Variants in MYT1L observed in about 807,000 individuals in gnomAD.
MYT1L encodes myelin transcription factor 1 like.
Under a neutral mutation model 126.7 loss-of-function variants are expected in MYT1L, and 12 were observed. The observed-to-expected ratio is 0.09, with a 90% CI of 0.06 to 0.15. The LOEUF (loss-of-function observed/expected upper bound fraction) is 0.15, where lower values mean the gene tolerates loss of function less well. Among genes scored for constraint, MYT1L ranks in the 10% least tolerant of loss-of-function variants. The pLI is 1.00. For missense variants in MYT1L, 979 were observed against 1,585.2 expected (o/e 0.62, Z 6.49); for synonymous variants, 541 against 604.2 (o/e 0.90, Z 1.53).
Position 2,224,812 on chromosome 2 carries a change from C to A in MYT1L, c.-420-51824G>T, listed in dbSNP as rs1207128522. ...CCAGCCTGGGCAACAGAGCAAGACTCCGTCTCAAAAGAAAAAAAAAAAAAG... is the reference window on the plus strand; with the variant it reads ...CCAGCCTGGGCAACAGAGCAAGACTACGTCTCAAAAGAAAAAAAAAAAAAG... On this transcript the variant is annotated intron_variant, in intron 2 of 24. Transcript: ENST00000647738. The surrounding 1 kb of genome is among the most constrained non-coding windows in gnomAD (Gnocchi z 4.0). 7.6e-6 allele frequency among the ~76,000 whole-genome samples: 1 copy of A among 131,582 alleles called. No individual in the cohort carries two copies. The highest frequency in any genetic ancestry group is 1.6e-5 in the Non-Finnish European group (1 of 61,690). The allele number at this position is 131,582 out of a possible 152,430, so 86.3% of individuals were successfully genotyped here.
At chr2:1,959,925 T>C (rs184179967) in intron 8 of MYT1L, among the ~76,000 whole-genome samples, 2 of 152,368 alleles carry the variant, frequency 1.3e-5, no homozygotes, top group Non-Finnish European at 2.9e-5. Flanking sequence ...CCTAGTGCCA[T>C]CCATTGGCAT....
At chr2:2,252,840 T>G (rs1363048795) in intron 2 of MYT1L, among the ~76,000 whole-genome samples, 1 of 152,160 alleles carries the variant, frequency 6.6e-6, no homozygotes, top group Non-Finnish European at 1.5e-5. Context: ...TCTTCCCCCT[T>G]ATGTGAATTT....
chr2:1,797,910 ACAGGCGCGGCGGTCTCCCCCTTC>A (rs2033971864), intron 23 of MYT1L, among the ~76,000 whole-genome samples: 4 of 80,788 alleles, frequency 5.0e-5, no homozygotes, highest in Admixed American at 1.4e-4. Flanking sequence ...CTTCTCCGGC[ACAGGCGCGGCGGTCTCCCCCTTC>A]TCCGGCACAG....
rs150662468 is a variant in MYT1L, at chr2:2,280,863, T to C, written c.-421+3541A>G. Among the ~76,000 whole-genome samples the C allele has an allele frequency of 5.3e-4, 80 of 152,334 alleles. 1 individual carries two copies. The East Asian group carries it at 0.014, about 28-fold the overall frequency. On this transcript the variant is annotated intron_variant, in intron 2 of 24. Transcript: ENST00000647738. The stretch of plus-strand genomic sequence containing the variant: ...TGGTTTAAGTCTCCTCAAAGATTTC[T>C]AATTCCTTCATTTAACTGATGAAGT...
At chr2:2,256,414 AAACAC>A (rs2094814727) in intron 2 of MYT1L, among the ~76,000 whole-genome samples, 2 of 152,376 alleles carry the variant, frequency 1.3e-5, no homozygotes, top group South Asian at 4.1e-4. Context: ...AGGGGTTTTA[AAACAC>A]AACCATATCC....
At chr2:1,834,941 CCA>C in intron 21 of MYT1L, among the ~76,000 whole-genome samples, 1 of 116,646 alleles carries the variant, frequency 8.6e-6, no homozygotes, top group Non-Finnish European at 1.7e-5. Context: ...AGGTACTCCT[CCA>C]CATAACACGG....
intron 3 of MYT1L, among the ~76,000 whole-genome samples, chr2:2,114,211 C>T (rs113583654): frequency 0.015 from 2,301 of 152,278 alleles, 51 homozygotes; most frequent in African/African-American, 0.052. Context: ...AAATGTGGTG[C>T]TATTTCCTGG....
At chr2:2,304,450 C>T (rs910198489) in intron 1 of MYT1L, among the ~76,000 whole-genome samples, 1 of 152,210 alleles carries the variant, frequency 6.6e-6, no homozygotes, top group Non-Finnish European at 1.5e-5. Context: ...TTAAACCTCT[C>T]TCTATAGTCC....
At chr2:2,022,579 C>T (rs1558766851) in intron 4 of MYT1L, among the ~76,000 whole-genome samples, 2 of 151,984 alleles carry the variant, frequency 1.3e-5, no homozygotes, top group Non-Finnish European at 2.9e-5. Flanking sequence ...ACAGATAACA[C>T]CCTAAGTCAA....
chr2:2,260,616 A>AT (rs1166459060), intron 2 of MYT1L, among the ~76,000 whole-genome samples: 5 of 150,776 alleles, frequency 3.3e-5, no homozygotes, highest in Admixed American at 6.6e-5. Flanking sequence ...TGTTTTACGT[A>AT]TTTTTTTCTA....
chr2:2,243,958 C>A (rs968766391), intron 2 of MYT1L, among the ~76,000 whole-genome samples: 2 of 152,198 alleles, frequency 1.3e-5, no homozygotes, highest in Non-Finnish European at 2.9e-5. Flanking sequence ...GGATTGGCAG[C>A]GCACACTGAC....
Position 2,296,161 on chromosome 2 carries a change from G to A in MYT1L, c.-520-11658C>T, listed in dbSNP as rs2149496268. 2.0e-5 allele frequency among the ~76,000 whole-genome samples: 3 copies of A among 152,330 alleles called. No homozygotes were observed. The Middle Eastern group carries it at 0.01, about 518-fold the overall frequency. The stretch of plus-strand genomic sequence containing the variant: ...AGTCAAAAGGAAACCCTGGGTGGTT[G>A]AGAAGCTTTGCTATAAAAGTCACCT... On this transcript the variant is annotated intron_variant, in intron 1 of 24. Coordinates refer to ENST00000647738, the MANE Select transcript of MYT1L (RefSeq NM_001303052.2).
At chr2:2,105,208 C>T (rs550739240) in intron 3 of MYT1L, among the ~76,000 whole-genome samples, 15 of 152,242 alleles carry the variant, frequency 9.9e-5, no homozygotes, top group African/African-American at 3.6e-4. Flanking sequence ...AGTGTTTCGG[C>T]CTAGAATGCA....
intron 22 of MYT1L, among the ~76,000 whole-genome samples, chr2:1,808,853 A>G (rs1381877469): frequency 6.6e-6 from 1 of 152,218 alleles, no homozygotes; most frequent in East Asian, 1.9e-4. Context: ...ACTTGGGCTC[A>G]TGATTCCGGT....
At chr2:2,197,216 T>C (rs1233215848) in intron 2 of MYT1L, among the ~76,000 whole-genome samples, 1 of 152,132 alleles carries the variant, frequency 6.6e-6, no homozygotes, top group Non-Finnish European at 1.5e-5. Context: ...AGGAAACAGG[T>C]CAGAAAAGAA....
chr2:2,121,966 C>T (rs73911400), intron 3 of MYT1L, among the ~76,000 whole-genome samples: 11,287 of 152,254 alleles, frequency 0.074, 518 homozygotes, highest in African/African-American at 0.12. Flanking sequence ...GCCCCGATGG[C>T]AGGGAAGCAC....
At chr2:1,874,795 T>C (rs1407459298) in intron 18 of MYT1L, among the ~76,000 whole-genome samples, 1 of 152,204 alleles carries the variant, frequency 6.6e-6, no homozygotes, top group Non-Finnish European at 1.5e-5. Flanking sequence ...AAAGGTGACA[T>C]GCTGGCCTCA....
At chr2:1,941,556 T>C (rs533505946) in intron 9 of MYT1L, among the ~76,000 whole-genome samples, 1 of 152,334 alleles carries the variant, frequency 6.6e-6, no homozygotes, top group East Asian at 1.9e-4. Flanking sequence ...GTAGATTTAA[T>C]AGCGATGATG....
intron 3 of MYT1L, among the ~76,000 whole-genome samples, chr2:2,148,917 T>G (rs138423487): frequency 6.6e-6 from 1 of 152,288 alleles, no homozygotes; most frequent in Non-Finnish European, 1.5e-5. Context: ...TCTTGTGAAC[T>G]CACAGTCCTG....
Sources: gnomAD v4.1 joint callset for allele counts (sites outside exome capture counted in the v4.1 genomes callset) on GRCh38, gnomAD v4.1.1 for gene constraint, Gnocchi (gnomAD v3.1) non-coding constraint, MANE v1.5 for transcripts, NCBI Gene and HGNC (gene_info 2026-07-23, HGNC 2026-07-21) for gene names.